Variants in CDKAL1 observed in about 807,000 individuals in gnomAD.
The protein encoded by CDKAL1 is threonylcarbamoyladenosine tRNA methylthiotransferase.
A neutral mutation model predicts 68.2 loss-of-function variants in CDKAL1; 32 were observed. The observed-to-expected ratio is 0.47, with a 90% CI of 0.35 to 0.63. The LOEUF is 0.63. Ranked by LOEUF, CDKAL1 falls within the 30% of genes least tolerant of loss-of-function variation. The pLI is 0.00. For synonymous variants in CDKAL1, 234 were observed against 244.3 expected (o/e 0.96, Z 0.39); for missense variants, 606 against 696.7 (o/e 0.87, Z 1.47).
At chr6:20,736,696 C>T (rs1052851818) in intron 5 of CDKAL1, among the ~76,000 whole-genome samples, 2 of 151,690 alleles carry the variant, frequency 1.3e-5, no homozygotes, top group Non-Finnish European at 2.9e-5. Context: ...GGCAGGAACC[C>T]AGGAGGCGGA....
intron 10 of CDKAL1, among the ~76,000 whole-genome samples, chr6:20,976,602 A>G (rs183317548): frequency 1.3e-5 from 2 of 152,320 alleles, no homozygotes; most frequent in East Asian, 3.9e-4. Flanking sequence ...GGATGTGACT[A>G]TCACCTGATC....
At chr6:20,553,434 A>G (rs1254080788) in intron 4 of CDKAL1, among the ~76,000 whole-genome samples, 1 of 151,946 alleles carries the variant, frequency 6.6e-6, no homozygotes, top group African/African-American at 2.4e-5. Context: ...GCTTGAACCC[A>G]GGAGGCGGAG....
At chr6:21,032,476 A>G (rs1769348342) in intron 11 of CDKAL1, among the ~76,000 whole-genome samples, 1 of 152,172 alleles carries the variant, frequency 6.6e-6, no homozygotes. Context: ...AATCTCCCAA[A>G]TAGAGCTGAT....
chr6:20,739,665 T>A, intron 6 of CDKAL1, 50 bp downstream of exon 6: 1 of 979,730 alleles, frequency 1.0e-6, no homozygotes, highest in Non-Finnish European at 1.6e-6. Flanking sequence ...TGTTAACACC[T>A]GTAATAGCTC....
chr6:21,134,668 G>C (rs1052880186), intron 13 of CDKAL1, among the ~76,000 whole-genome samples: 1 of 152,048 alleles, frequency 6.6e-6, no homozygotes, highest in Non-Finnish European at 1.5e-5. Context: ...TGAGAAATAA[G>C]TAAACTACAG....
At chr6:21,192,053 C>T (rs1359250973) in intron 13 of CDKAL1, among the ~76,000 whole-genome samples, 5 of 100,086 alleles carry the variant, frequency 5.0e-5, no homozygotes, top group South Asian at 4.0e-4. Flanking sequence ...CTCGCTCTGT[C>T]GCCCAGGCCG....
chr6:21,128,165 G>A (rs761357976), intron 13 of CDKAL1, among the ~76,000 whole-genome samples: 136 of 152,252 alleles, frequency 8.9e-4, no homozygotes, highest in Admixed American at 4.3e-3. Flanking sequence ...TGACCATCCT[G>A]TTTTTACTCT....
intron 14 of CDKAL1, among the ~76,000 whole-genome samples, chr6:21,200,610 A>G (rs1582405424): frequency 6.6e-6 from 1 of 152,192 alleles, no homozygotes; most frequent in Non-Finnish European, 1.5e-5. Context: ...GGTTTTCCTC[A>G]TTGCATGGAA....
At chr6:21,115,814 C>A (rs1054664529) in intron 13 of CDKAL1, among the ~76,000 whole-genome samples, 1 of 152,156 alleles carries the variant, frequency 6.6e-6, no homozygotes, top group African/African-American at 2.4e-5. Flanking sequence ...AATGACCCAG[C>A]CTTGAAATAA....
At chr6:20,711,376 A>C (rs1771836772) in intron 5 of CDKAL1, among the ~76,000 whole-genome samples, 1 of 152,200 alleles carries the variant, frequency 6.6e-6, no homozygotes, top group African/African-American at 2.4e-5. Flanking sequence ...TAAAAGACTG[A>C]AGCATAGATT....
intron 4 of CDKAL1, among the ~76,000 whole-genome samples, chr6:20,606,939 CA>C (rs1335313292): frequency 6.6e-6 from 1 of 152,160 alleles, no homozygotes; most frequent in Non-Finnish European, 1.5e-5. Flanking sequence ...GTCCTTCTGA[CA>C]AATCCTGTGA....
At chr6:20,668,750 A>G (rs2127778179) in intron 5 of CDKAL1, among the ~76,000 whole-genome samples, 1 of 152,318 alleles carries the variant, frequency 6.6e-6, no homozygotes, top group South Asian at 2.1e-4. Context: ...TTCAGGATCC[A>G]GTTTAGGATT....
chr6:20,578,817 TTC>T (rs1360349796), intron 4 of CDKAL1, among the ~76,000 whole-genome samples: 1 of 152,192 alleles, frequency 6.6e-6, no homozygotes, highest in Non-Finnish European at 1.5e-5. Context: ...TGATATAAAA[TTC>T]TGATTGTTTT....
At chr6:20,856,106 G>A (rs1759321983) in intron 9 of CDKAL1, among the ~76,000 whole-genome samples, 1 of 152,168 alleles carries the variant, frequency 6.6e-6, no homozygotes, top group Non-Finnish European at 1.5e-5. Context: ...GCCTGCATCT[G>A]GTGAGAGCCA....
At chr6:21,052,699 A>G (rs1770610612) in intron 11 of CDKAL1, among the ~76,000 whole-genome samples, 9 of 151,924 alleles carry the variant, frequency 5.9e-5, no homozygotes, top group Admixed American at 5.9e-4. Flanking sequence ...TTCTTTGACT[A>G]CACCTGTCAA....
Position 20,867,688 on chromosome 6 carries a change from G to A in CDKAL1, c.742+21510G>A, listed in dbSNP as rs567084677. ...TGTCACAGAGACCATGGTGAAGGCT[G>A]ACACAGAATCATGGGACTTCATGGT... On this transcript the variant is annotated intron_variant, in intron 9 of 15. Coordinates refer to ENST00000274695, the MANE Select transcript of CDKAL1 (RefSeq NM_017774.3). Among the ~76,000 whole-genome samples, 21 of 152,298 alleles carry A rather than the reference G, an allele frequency of 1.4e-4. 1 individual carries two copies. The highest frequency in any genetic ancestry group is 4.3e-4 in the African/African-American group (18 of 41,568).
At chr6:21,098,472 G>C (rs1773422453) in intron 12 of CDKAL1, among the ~76,000 whole-genome samples, 1 of 148,572 alleles carries the variant, frequency 6.7e-6, no homozygotes, top group Admixed American at 6.7e-5. Context: ...TGGATAGTTT[G>C]AAGAACTAGA....
chr6:20,896,088 C>CTTTT, intron 9 of CDKAL1, among the ~76,000 whole-genome samples: 1 of 127,352 alleles, frequency 7.9e-6, no homozygotes, highest in Middle Eastern at 4.3e-3. Flanking sequence ...TCTTTTTTTT[C>CTTTT]TTTTCTTTTC....
intron 11 of CDKAL1, among the ~76,000 whole-genome samples, chr6:21,025,111 T>C (rs1768886638): frequency 6.6e-6 from 1 of 152,246 alleles, no homozygotes; most frequent in South Asian, 2.1e-4. Flanking sequence ...TTGTCTGATA[T>C]AACTGTAATT....
Sources: gnomAD v4.1 joint callset for allele counts (sites outside exome capture counted in the v4.1 genomes callset) on GRCh38, gnomAD v4.1.1 for gene constraint, MANE v1.5 for transcripts, NCBI Gene and HGNC (gene_info 2026-07-23, HGNC 2026-07-21) for gene names.